NLGN1: variants seen among roughly 807,000 people sequenced by gnomAD.
NLGN1 encodes the protein neuroligin-1.
Under a neutral mutation model 65.5 loss-of-function variants are expected in NLGN1, and 12 were observed. The ratio of observed to expected loss-of-function variants is 0.18; its 90% CI spans 0.12 to 0.30. NLGN1 has a LOEUF of 0.30. Among genes scored for constraint, NLGN1 ranks in the 10% least tolerant of loss-of-function variants. The pLI is 1.00. For synonymous variants in NLGN1, 350 were observed against 359.5 expected, an observed-to-expected ratio of 0.97 and a Z score of 0.30; for missense variants, 750 against 1,007.1, an observed-to-expected ratio of 0.74 and a Z score of 3.46.
intron 3 of NLGN1, among the ~76,000 whole-genome samples, chr3:173,671,421 A>G (rs1762431833): frequency 6.6e-6 from 1 of 151,904 alleles, no homozygotes; most frequent in African/African-American, 2.4e-5. Context: ...AGTTGAGGCA[A>G]CAGTGAACTG....
At chr3:173,699,984 T>C (rs1200061726) in intron 3 of NLGN1, among the ~76,000 whole-genome samples, 1 of 152,212 alleles carries the variant, frequency 6.6e-6, no homozygotes, top group African/African-American at 2.4e-5. Flanking sequence ...TGAAAAGAGC[T>C]AATTCACCTA....
intron 3 of NLGN1, among the ~76,000 whole-genome samples, chr3:173,708,527 A>G (rs937777511): frequency 6.6e-6 from 1 of 152,190 alleles, no homozygotes; most frequent in Admixed American, 6.5e-5. Context: ...ACCAGGAGAG[A>G]GGCCTGCATA....
chr3:173,644,257 C>T (rs1236676963), intron 3 of NLGN1: 1 of 154,078 alleles, frequency 6.5e-6, no homozygotes, highest in African/African-American at 2.4e-5. Context: ...CTCAGTGGCC[C>T]TGTCCTACTG....
At chr3:173,976,269 T>C (rs1339450907) in intron 4 of NLGN1, among the ~76,000 whole-genome samples, 1 of 152,076 alleles carries the variant, frequency 6.6e-6, no homozygotes, top group Non-Finnish European at 1.5e-5. Flanking sequence ...GGCTATAGGA[T>C]AAACTATTCT....
intron 4 of NLGN1, among the ~76,000 whole-genome samples, chr3:173,980,430 T>C (rs1016818571): frequency 6.6e-6 from 1 of 152,108 alleles, no homozygotes; most frequent in Non-Finnish European, 1.5e-5. Flanking sequence ...TTTTAATGAC[T>C]GCAGAAAATG....
intron 4 of NLGN1, among the ~76,000 whole-genome samples, chr3:173,812,174 C>A (rs1446399714): frequency 6.6e-6 from 1 of 152,040 alleles, no homozygotes; most frequent in African/African-American, 2.4e-5. Flanking sequence ...TTTACACCAC[C>A]CGTCCATGGA....
intron 4 of NLGN1, among the ~76,000 whole-genome samples, chr3:173,897,639 A>G (rs1018159493): frequency 1.3e-5 from 2 of 152,208 alleles, no homozygotes; most frequent in African/African-American, 4.8e-5. Context: ...GTTAGGTAAA[A>G]TGTTATACTG....
At chr3:173,780,099 A>G (rs563211849) in intron 3 of NLGN1, among the ~76,000 whole-genome samples, 1 of 152,314 alleles carries the variant, frequency 6.6e-6, no homozygotes, top group Admixed American at 6.5e-5. Flanking sequence ...CATGGAATAT[A>G]TAATTTGTTC....
At chr3:173,545,044 G>A (rs1440282680) in intron 2 of NLGN1, among the ~76,000 whole-genome samples, 1 of 150,044 alleles carries the variant, frequency 6.7e-6, no homozygotes, top group African/African-American at 2.5e-5. Context: ...AGTTTTGTGT[G>A]TGTGTGTGTG....
At chr3:173,620,888 G>C (rs1753886444) in intron 3 of NLGN1, among the ~76,000 whole-genome samples, 1 of 152,118 alleles carries the variant, frequency 6.6e-6, no homozygotes, top group Non-Finnish European at 1.5e-5. Flanking sequence ...TTTAGTTGTA[G>C]TGGAAATTGC....
chr3:174,257,902 T>TTATATATATATA (rs146056725), intron 4 of NLGN1, among the ~76,000 whole-genome samples: 1 of 147,766 alleles, frequency 6.8e-6, no homozygotes, highest in African/African-American at 2.5e-5. Context: ...TTATATCTCC[T>TTATATATATATA]TATATATATA....
At chr3:173,953,446 C>A (rs1748610120) in intron 4 of NLGN1, among the ~76,000 whole-genome samples, 1 of 152,110 alleles carries the variant, frequency 6.6e-6, no homozygotes, top group Admixed American at 6.5e-5. Flanking sequence ...GCTTGTTATC[C>A]AACTGGGCAC....
chr3:173,684,320 C>T (rs1695371874), intron 3 of NLGN1, among the ~76,000 whole-genome samples: 1 of 152,094 alleles, frequency 6.6e-6, no homozygotes, highest in Non-Finnish European at 1.5e-5. Context: ...TTTAAACAGA[C>T]TGATTTGCCT....
chr3:173,777,979 A>T (rs1780568997), intron 3 of NLGN1, among the ~76,000 whole-genome samples: 1 of 151,836 alleles, frequency 6.6e-6, no homozygotes, highest in Non-Finnish European at 1.5e-5. Flanking sequence ...TATAAATGTG[A>T]TTCACTTTTG....
chr3:173,758,440 G>A lies in NLGN1; in HGVS notation c.494-49240G>A, dbSNP rs374819435. Among the ~76,000 whole-genome samples the A allele has an allele frequency of 6.0e-4, 92 of 152,132 alleles. 1 individual carries two copies. The East Asian group carries it at 0.015, about 25-fold the overall frequency. On this transcript the variant is annotated intron_variant, in intron 3 of 6. Coordinates refer to ENST00000457714, the Ensembl canonical transcript of NLGN1. ...TCTGACCATGTCAATAAAACAGAATGTGATTAGAATTTAAATTCTCTTTTT... is the reference window on the plus strand; with the variant it reads ...TCTGACCATGTCAATAAAACAGAATATGATTAGAATTTAAATTCTCTTTTT...
chr3:173,947,316 C>T (rs1368374569), intron 4 of NLGN1, among the ~76,000 whole-genome samples: 1 of 152,110 alleles, frequency 6.6e-6, no homozygotes, highest in African/African-American at 2.4e-5. Context: ...GCCACCACGA[C>T]TGGCTCAGTT....
intron 3 of NLGN1, among the ~76,000 whole-genome samples, chr3:173,733,915 G>A (rs1578178290): frequency 2.6e-5 from 4 of 151,998 alleles, no homozygotes; most frequent in Admixed American, 6.6e-5. Context: ...CAGTTTAGAT[G>A]TACTAAATCT....
chr3:173,473,459 A>G (rs1479189204), intron 2 of NLGN1, among the ~76,000 whole-genome samples: 2 of 152,204 alleles, frequency 1.3e-5, no homozygotes, highest in Non-Finnish European at 2.9e-5. Flanking sequence ...GATGTTTAGA[A>G]TGAATTCAAC....
At chr3:173,634,900 A>G (rs1190671252) in intron 3 of NLGN1, among the ~76,000 whole-genome samples, 3 of 152,090 alleles carry the variant, frequency 2.0e-5, no homozygotes, top group East Asian at 1.9e-4. Context: ...TTGAGATGGC[A>G]ATAGGACCTC....
Sources: allele counts gnomAD v4.1 joint callset (sites outside exome capture counted in the v4.1 genomes callset), GRCh38; gene constraint gnomAD v4.1.1; transcripts MANE v1.5; gene names NCBI Gene and HGNC (gene_info 2026-07-23, HGNC 2026-07-21).